PLCB4: variants seen among roughly 807,000 people sequenced by gnomAD.
PLCB4 encodes phospholipase C beta 4.
Under a neutral mutation model 178.8 loss-of-function variants are expected in PLCB4, and 77 were observed. That is an observed-to-expected ratio of 0.43 (90% CI 0.36 to 0.52). The LOEUF is 0.52. PLCB4 is among the 20% of genes least tolerant of loss of function. PLCB4 has a pLI of 0.00. For synonymous variants in PLCB4, 496 were observed against 490.8 expected, an observed-to-expected ratio of 1.01 and a Z score of -0.14; for missense variants, 1,024 against 1,453.4, an observed-to-expected ratio of 0.70 and a Z score of 4.80.
At chr20:9,271,038 C>T (rs60188977) in intron 3 of PLCB4, among the ~76,000 whole-genome samples, 14,560 of 152,074 alleles carry the variant, frequency 0.096, 1,212 homozygotes, top group East Asian at 0.31. Flanking sequence ...GCATTGCTAG[C>T]CAACAGCTGA....
intron 30 of PLCB4, among the ~76,000 whole-genome samples, chr20:9,441,475 T>A (rs944275692): frequency 6.6e-6 from 1 of 152,100 alleles, no homozygotes; most frequent in African/African-American, 2.4e-5. Context: ...CCAGTGCAAG[T>A]AGTTTATTCT....
At chr20:9,193,300 A>G (rs1177836630) in intron 2 of PLCB4, among the ~76,000 whole-genome samples, 1 of 152,206 alleles carries the variant, frequency 6.6e-6, no homozygotes, top group Non-Finnish European at 1.5e-5. Context: ...TCACAGAGAA[A>G]AACTACAACT....
intron 5 of PLCB4, 58 bp from the exon 6 acceptor site, chr20:9,337,950 T>C: frequency 7.2e-7 from 1 of 1,381,322 alleles, no homozygotes; most frequent in South Asian, 1.2e-5. Flanking sequence ...GCAGTTTGCC[T>C]GTATCATAGG....
chr20:9,111,912 T>A (rs904682612), intron 2 of PLCB4, among the ~76,000 whole-genome samples: 2 of 152,198 alleles, frequency 1.3e-5, no homozygotes, highest in Non-Finnish European at 2.9e-5. Flanking sequence ...TATAGAAGTA[T>A]GTATTTAATG....
chr20:9,208,124 T>C lies in PLCB4; in HGVS notation c.-78-9266T>C, dbSNP rs140662100. 2.3e-3 allele frequency among the ~76,000 whole-genome samples: 345 copies of C among 152,310 alleles called. 1 individual carries two copies. The highest frequency in any genetic ancestry group is 7.9e-3 in the African/African-American group (329 of 41,566). On this transcript the variant is annotated intron_variant, in intron 2 of 39. Coordinates refer to ENST00000378473, the MANE Select transcript of PLCB4 (RefSeq NM_001377142.1). ...ATAGATGCAGAAATAGCCCCTATTTTATACTGTGGAAGCACAGATGGATGC... is the reference window on the plus strand; with the variant it reads ...ATAGATGCAGAAATAGCCCCTATTTCATACTGTGGAAGCACAGATGGATGC...
chr20:9,192,698 C>T (rs1044192789), intron 2 of PLCB4, among the ~76,000 whole-genome samples: 6 of 151,422 alleles, frequency 4.0e-5, no homozygotes, highest in African/African-American at 7.3e-5. Context: ...ACCTTTAGTA[C>T]CAGCAAGTCA....
At chr20:9,217,929 TC>T (rs1037268656) in intron 3 of PLCB4, among the ~76,000 whole-genome samples, 1 of 152,150 alleles carries the variant, frequency 6.6e-6, no homozygotes, top group Non-Finnish European at 1.5e-5. Flanking sequence ...CTTCCAGTGC[TC>T]CCCTAATGGT....
intron 36 of PLCB4, among the ~76,000 whole-genome samples, chr20:9,470,083 C>G (rs1271667640): frequency 6.6e-6 from 1 of 152,146 alleles, no homozygotes; most frequent in Non-Finnish European, 1.5e-5. Flanking sequence ...AATCCCAGCA[C>G]TTTGGGAGGC....
chr20:9,301,330 G>GCC (rs1195591521), intron 3 of PLCB4, among the ~76,000 whole-genome samples: 3 of 151,830 alleles, frequency 2.0e-5, no homozygotes, highest in Non-Finnish European at 4.4e-5. Context: ...TTCACATACT[G>GCC]CCCTCTGTTC....
At chr20:9,265,777 G>A (rs1323467742) in intron 3 of PLCB4, among the ~76,000 whole-genome samples, 3 of 152,094 alleles carry the variant, frequency 2.0e-5, no homozygotes, top group Non-Finnish European at 4.4e-5. Flanking sequence ...GAAACTTCTA[G>A]CAGTGCTGTT....
chr20:9,297,204 T>C (rs1025242612), intron 3 of PLCB4, among the ~76,000 whole-genome samples: 3 of 152,002 alleles, frequency 2.0e-5, no homozygotes, highest in Non-Finnish European at 4.4e-5. Flanking sequence ...GGTTGATATA[T>C]CTTGCATGCT....
At chr20:9,118,237 A>C (rs1216944207) in intron 2 of PLCB4, among the ~76,000 whole-genome samples, 5 of 102,718 alleles carry the variant, frequency 4.9e-5, no homozygotes, top group Admixed American at 1.3e-4. Flanking sequence ...CCACCCCACC[A>C]CAGTCCCCAG....
In PLCB4 at chr20:9,389,795, C is replaced by T. The variant is rs189276696; in HGVS notation, c.1159-84C>T. The stretch of plus-strand genomic sequence containing the variant: ...TTGCTGGAATTGACTTTCTGAAAGA[C>T]TCAATTAATAGTCTCTGAATAGTTT... On this transcript the variant is annotated intron_variant, in intron 15 of 39. Coordinates refer to ENST00000378473, the MANE Select transcript of PLCB4 (RefSeq NM_001377142.1). The T allele has an allele frequency of 8.8e-4, 615 of 700,866 alleles. 5 individuals are homozygous for T. In the African/African-American group the frequency reaches 9.0e-3, roughly 10 times the overall value. 43.4% of individuals were successfully genotyped at this position (700,866 alleles called of 1,614,324 possible). A position where few individuals can be genotyped will look rare whatever the true frequency, so the allele number is the denominator to read the frequency against.
intron 2 of PLCB4, among the ~76,000 whole-genome samples, chr20:9,195,630 G>A (rs1360997625): frequency 3.3e-5 from 5 of 152,032 alleles, no homozygotes; most frequent in African/African-American, 1.2e-4. Context: ...TGGTTCTTGG[G>A]CTTTTTGACT....
intron 3 of PLCB4, among the ~76,000 whole-genome samples, chr20:9,282,449 C>T (rs1248750044): frequency 2.6e-5 from 4 of 151,942 alleles, no homozygotes; most frequent in African/African-American, 2.4e-5. Flanking sequence ...TATTATACCC[C>T]CATACTCACA....
Position 9,473,327 on chromosome 20 carries a change from C to A in PLCB4, c.3457C>A (p.Leu1153Ile). The A allele has an allele frequency of 1.3e-6, 2 of 1,595,054 alleles. No homozygotes were observed. Among genetic ancestry groups the A allele is most frequent in the Non-Finnish European group, 1.7e-6 (2 of 1,169,276 alleles). Reference sequence around the variant, plus strand: ...AATGGATCAGTTGAAAAAAGTCCAGCTTGAACATCTAGAATTCCTAGAGAA... The same window carrying A: ...AATGGATCAGTTGAAAAAAGTCCAGATTGAACATCTAGAATTCCTAGAGAA... ...KEMDQLKKVQ[L>I]EHLEFLEKQN... is the part of the protein sequence containing the mutation. Residue 1153 changes from leucine to isoleucine, a missense_variant, in exon 38 of 40, where the codon CTT becomes ATT. This residue lies in a region of PLCB4 where 264 missense variants were observed against 283.2 expected (regional missense o/e 0.93). Coordinates refer to ENST00000378473, the MANE Select transcript of PLCB4 (RefSeq NM_001377142.1).
At position 9,457,303 on chromosome 20, in the gene PLCB4, A is replaced by G. The variant is rs540544967; in HGVS notation, c.2997-111A>G. ...CCAGTGTTGCCCAATGAGCCATGACATCTCATATTTGATGAATATATTATC... is the reference window on the plus strand; with the variant it reads ...CCAGTGTTGCCCAATGAGCCATGACGTCTCATATTTGATGAATATATTATC... On this transcript the variant is annotated intron_variant, in intron 33 of 39. Transcript: ENST00000378473. 388 of 686,214 alleles carry G rather than the reference A, an allele frequency of 5.7e-4. 2 individuals carry two copies. In the Admixed American group the frequency reaches 7.5e-3, roughly 13 times the overall value. 42.5% of individuals were successfully genotyped at this position (686,214 alleles called of 1,614,324 possible).
rs755367143 is a variant in PLCB4, at chr20:9,408,757, G to A, written c.1874+40G>A. The A allele has an allele frequency of 1.3e-5, 14 of 1,089,844 alleles. No individual in the cohort carries two copies. In the East Asian group the frequency reaches 1.7e-4, roughly 13 times the overall value. 67.5% of individuals were successfully genotyped at this position (1,089,844 alleles called of 1,614,324 possible). Reference sequence around the variant, plus strand: ...CAAGTGGAATGAGTGGTTGACTCACGTTGGTTTGGCAAGAGCCTCTGAAAT... The same window carrying A: ...CAAGTGGAATGAGTGGTTGACTCACATTGGTTTGGCAAGAGCCTCTGAAAT... On this transcript the variant is annotated intron_variant, in intron 23 of 39. Coordinates refer to ENST00000378473, the MANE Select transcript of PLCB4 (RefSeq NM_001377142.1).
Position 9,096,301 on chromosome 20 carries a change from T to C in PLCB4, c.-120T>C, listed in dbSNP as rs2090908469. 6.6e-6 allele frequency: 1 copy of C among 152,204 alleles called. No homozygotes were observed. Among genetic ancestry groups the C allele is most frequent in the African/African-American group, 2.4e-5 (1 of 41,454 alleles). The allele number at this position is 152,204 out of a possible 1,614,324, so 9.4% of individuals were successfully genotyped here. ...TTTCTTCACAGGAAAAGACAATTTC[T>C]CTCTGATTCAGAATCCTGAAAATGT... On this transcript the variant is annotated 5_prime_UTR_variant, in exon 2 of 40. Coordinates refer to ENST00000378473, the MANE Select transcript of PLCB4 (RefSeq NM_001377142.1).
Sources: allele counts gnomAD v4.1 joint callset (sites outside exome capture counted in the v4.1 genomes callset), GRCh38; gene constraint gnomAD v4.1.1; regional missense constraint gnomAD v4.1.1; transcripts MANE v1.5; gene names NCBI Gene and HGNC (gene_info 2026-07-23, HGNC 2026-07-21).